ME3: variants seen among roughly 807,000 people sequenced by gnomAD.
ME3 encodes NADP-dependent malic enzyme, mitochondrial.
In ME3, 48 loss-of-function variants were observed where a neutral mutation model predicts 68.9. The ratio of observed to expected loss-of-function variants is 0.70; its 90% CI spans 0.55 to 0.89. The LOEUF is 0.89. Ranked by LOEUF, ME3 falls within the 40% of genes least tolerant of loss-of-function variation. The pLI, the probability that ME3 is intolerant of heterozygous loss-of-function variation, is 0.00. For synonymous variants in ME3, 320 were observed against 318.8 expected (o/e 1.00, Z -0.04); for missense variants, 675 against 797.4 (o/e 0.85, Z 1.85).
chr11:86,615,622 G>T (rs1192234410), intron 2 of ME3, among the ~76,000 whole-genome samples: 1 of 152,098 alleles, frequency 6.6e-6, no homozygotes, highest in African/African-American at 2.4e-5. Flanking sequence ...AAGCTATTGA[G>T]GAAGTACTTC....
intron 13 of ME3, among the ~76,000 whole-genome samples, chr11:86,443,595 G>A (rs1026137364): frequency 6.6e-6 from 1 of 152,208 alleles, no homozygotes; most frequent in Non-Finnish European, 1.5e-5. Context: ...CCTCTTTAAT[G>A]TGGTGGTTCT....
intron 7 of ME3, among the ~76,000 whole-genome samples, chr11:86,483,739 T>C (rs1452740407): frequency 1.3e-5 from 2 of 152,240 alleles, no homozygotes; most frequent in Non-Finnish European, 2.9e-5. Flanking sequence ...TTTCCTTTCC[T>C]GGCCTGCCTA....
rs149110877 is a variant in ME3 at position 86,644,403 on chromosome 11, C to T, written c.183+27359G>A. 8.1e-4 allele frequency among the ~76,000 whole-genome samples: 124 copies of T among 152,296 alleles called. 1 individual carries two copies. Among genetic ancestry groups the T allele is most frequent in the African/African-American group, 2.9e-3 (119 of 41,568 alleles). On this transcript the variant is annotated intron_variant, in intron 2 of 14. Transcript: ENST00000543262. ...AACCATTTAATAGTGTCCTGCTTTACAGAGGATGAAACCCAGCCCACATAC... is the reference window on the plus strand; with the variant it reads ...AACCATTTAATAGTGTCCTGCTTTATAGAGGATGAAACCCAGCCCACATAC...
At chr11:86,489,138 G>A (rs886417723) in intron 6 of ME3, 1 of 152,156 alleles carries the variant, frequency 6.6e-6, no homozygotes, top group African/African-American at 2.4e-5. Flanking sequence ...AGTTCCTAGA[G>A]AACAGGATTT....
intron 2 of ME3, among the ~76,000 whole-genome samples, chr11:86,629,995 A>C (rs1460175838): frequency 6.6e-6 from 1 of 152,144 alleles, no homozygotes; most frequent in East Asian, 1.9e-4. Flanking sequence ...CTACACAAGC[A>C]CTTGTTTCAG....
intron 2 of ME3, among the ~76,000 whole-genome samples, chr11:86,594,541 A>T (rs2139682657): frequency 6.9e-6 from 1 of 145,522 alleles, no homozygotes; most frequent in South Asian, 2.3e-4. Flanking sequence ...ATAATAATAA[A>T]AAAATCAGCC....
At chr11:86,520,586 G>A (rs753318644) in intron 4 of ME3, among the ~76,000 whole-genome samples, 14 of 152,036 alleles carry the variant, frequency 9.2e-5, no homozygotes, top group Non-Finnish European at 2.1e-4. Flanking sequence ...TGGGCCTGGA[G>A]TCCCTTCTAG....
intron 2 of ME3, among the ~76,000 whole-genome samples, chr11:86,570,943 A>G (rs1957755774): frequency 6.6e-6 from 1 of 152,180 alleles, no homozygotes; most frequent in Admixed American, 6.5e-5. Context: ...ATCCTGGAGA[A>G]ATTACTTGAC....
intron 2 of ME3, among the ~76,000 whole-genome samples, chr11:86,587,902 T>C (rs1958832852): frequency 6.6e-6 from 1 of 152,230 alleles, no homozygotes; most frequent in African/African-American, 2.4e-5. Flanking sequence ...AAGAGTTCTG[T>C]TTGAAAGTCC....
At chr11:86,475,402 A>G (rs1291664885) in intron 7 of ME3, among the ~76,000 whole-genome samples, 2 of 152,142 alleles carry the variant, frequency 1.3e-5, no homozygotes, top group Non-Finnish European at 2.9e-5. Flanking sequence ...TGTTGGCACC[A>G]TGCTTCCTGT....
At chr11:86,478,274 C>A (rs1565834003) in intron 7 of ME3, among the ~76,000 whole-genome samples, 1 of 141,010 alleles carries the variant, frequency 7.1e-6, no homozygotes, top group East Asian at 2.0e-4. Context: ...CTACAACAGT[C>A]CAGACTCATC....
chr11:86,449,820 CCT>C, intron 10 of ME3, 67 bp downstream of exon 10: 1 of 1,156,152 alleles, frequency 8.6e-7, no homozygotes, highest in Non-Finnish European at 1.3e-6. Flanking sequence ...TTCTTGGAGA[CCT>C]CTTCCAGTCC....
At chr11:86,491,068 C>A (rs1193840602) in intron 6 of ME3, among the ~76,000 whole-genome samples, 8 of 151,938 alleles carry the variant, frequency 5.3e-5, no homozygotes, top group Non-Finnish European at 1.5e-5. Context: ...ATACTTTAAC[C>A]ACAAAAAATG....
intron 2 of ME3, among the ~76,000 whole-genome samples, chr11:86,655,069 T>C (rs1470422311): frequency 6.6e-6 from 1 of 152,142 alleles, no homozygotes; most frequent in Non-Finnish European, 1.5e-5. Context: ...CAAGGAGAAC[T>C]ACAAACCACT....
At chr11:86,534,073 GTGTGTGTGTATATA>G (rs1296104047) in intron 4 of ME3, among the ~76,000 whole-genome samples, 3,010 of 74,424 alleles carry the variant, frequency 0.04, 66 homozygotes, top group African/African-American at 0.094. Flanking sequence ...TGAGGTGTGT[GTGTGTGTGTATATA>G]TATATATATA....
At chr11:86,524,085 A>C (rs2139208011) in intron 4 of ME3, among the ~76,000 whole-genome samples, 1 of 152,212 alleles carries the variant, frequency 6.6e-6, no homozygotes, top group South Asian at 2.1e-4. Flanking sequence ...CACACTTAAC[A>C]CTCTTCACTT....
intron 2 of ME3, among the ~76,000 whole-genome samples, chr11:86,623,769 G>A (rs564951004): frequency 7.2e-5 from 11 of 152,288 alleles, no homozygotes; most frequent in Non-Finnish European, 1.5e-4. Context: ...GGTCTTTCCA[G>A]TTCGGTAGCA....
At chr11:86,487,250 T>C in intron 7 of ME3, 87 bp downstream of exon 7, 1 of 1,124,130 alleles carries the variant, frequency 8.9e-7, no homozygotes, top group Non-Finnish European at 1.3e-6. Context: ...CTGCCTTTAC[T>C]TTGTATATCA....
At chr11:86,526,908 A>T (rs1338033036) in intron 4 of ME3, among the ~76,000 whole-genome samples, 1 of 152,186 alleles carries the variant, frequency 6.6e-6, no homozygotes, top group Non-Finnish European at 1.5e-5. Flanking sequence ...AACCACAAAG[A>T]TGGGGAAAAA....
Sources: gnomAD v4.1 joint callset for allele counts (sites outside exome capture counted in the v4.1 genomes callset) on GRCh38, gnomAD v4.1.1 for gene constraint, MANE v1.5 for transcripts, NCBI Gene and HGNC (gene_info 2026-07-23, HGNC 2026-07-21) for gene names.